NAALADL2: variants seen among roughly 807,000 people sequenced by gnomAD.
NAALADL2 encodes N-acetylated alpha-linked acidic dipeptidase like 2.
NAALADL2 carries 76 observed loss-of-function variants against 87.2 expected under a neutral mutation model. That is an observed-to-expected ratio of 0.87 (90% CI 0.72 to 1.05). The LOEUF (loss-of-function observed/expected upper bound fraction) is 1.05, where lower values mean the gene tolerates loss of function less well. Ranked by LOEUF, NAALADL2 falls within the 50% of genes least tolerant of loss-of-function variation. The pLI is 0.00. For synonymous variants in NAALADL2, 354 were observed against 331.0 expected, an observed-to-expected ratio of 1.07 and a Z score of -0.75; for missense variants, 1,089 against 945.8, an observed-to-expected ratio of 1.15 and a Z score of -1.99.
intron 2 of NAALADL2, among the ~76,000 whole-genome samples, chr3:174,686,345 T>C (rs2108839902): frequency 6.6e-6 from 1 of 152,274 alleles, no homozygotes; most frequent in South Asian, 2.1e-4. Flanking sequence ...TTTATTTATT[T>C]TCATTTTCAA....
At chr3:174,958,749 T>G (rs906457430) in intron 1 of NAALADL2, among the ~76,000 whole-genome samples, 4 of 152,044 alleles carry the variant, frequency 2.6e-5, no homozygotes, top group Non-Finnish European at 5.9e-5. Flanking sequence ...AAATTTTAAT[T>G]CTTGATGAAT....
intron 2 of NAALADL2, among the ~76,000 whole-genome samples, chr3:175,206,313 CACAT>C (rs1580925223): frequency 2.2e-5 from 2 of 92,358 alleles, no homozygotes; most frequent in East Asian, 3.3e-4. Flanking sequence ...TATATATATA[CACAT>C]ACATACACAC....
Position 175,395,468 on chromosome 3 carries a change from A to G in NAALADL2, c.1091-51761A>G, listed in dbSNP as rs189118804. On this transcript the variant is annotated intron_variant, in intron 5 of 13. Coordinates refer to ENST00000454872, the MANE Select transcript of NAALADL2 (RefSeq NM_207015.3). ...TCTTGAGAAGGGCAGCCAGTTTCTC[A>G]GTAGCTATCCATTAACAAATTGAAA... is the stretch of plus-strand genomic sequence containing the variant. 1.1e-3 allele frequency among the ~76,000 whole-genome samples: 174 copies of G among 152,258 alleles called. 1 individual carries two copies. Among genetic ancestry groups the G allele is most frequent in the African/African-American group, 4.0e-3 (167 of 41,538 alleles).
chr3:174,819,991 G>GC (rs1721244929), intron 3 of NAALADL2, among the ~76,000 whole-genome samples: 1 of 152,116 alleles, frequency 6.6e-6, no homozygotes, highest in Non-Finnish European at 1.5e-5. Flanking sequence ...TTTTGGAGAG[G>GC]CTGGGGGTAG....
intron 4 of NAALADL2, among the ~76,000 whole-genome samples, chr3:175,287,924 G>T (rs1281677189): frequency 6.6e-6 from 1 of 151,998 alleles, no homozygotes; most frequent in Non-Finnish European, 1.5e-5. Context: ...AAATGCTACC[G>T]ATATCTATTG....
chr3:175,614,294 G>T (rs1582631988), intron 10 of NAALADL2, among the ~76,000 whole-genome samples: 1 of 152,132 alleles, frequency 6.6e-6, no homozygotes, highest in East Asian at 1.9e-4. Flanking sequence ...CTCATGATCT[G>T]CCCGCCTCGG....
chr3:175,527,991 G>C (rs1322267126), intron 9 of NAALADL2, among the ~76,000 whole-genome samples: 1 of 152,108 alleles, frequency 6.6e-6, no homozygotes, highest in Non-Finnish European at 1.5e-5. Context: ...CAAGAGATAA[G>C]AGATGGCACT....
chr3:174,987,580 A>AAAAAAAAAAC (rs1746070358), intron 1 of NAALADL2, among the ~76,000 whole-genome samples: 1 of 120,524 alleles, frequency 8.3e-6, no homozygotes, highest in African/African-American at 4.8e-5. Flanking sequence ...AAAAAAAAAA[A>AAAAAAAAAAC]AAAAAAAAAA....
At chr3:175,497,913 C>T (rs1729029839) in intron 9 of NAALADL2, among the ~76,000 whole-genome samples, 1 of 152,012 alleles carries the variant, frequency 6.6e-6, no homozygotes, top group Non-Finnish European at 1.5e-5. Context: ...GCTTGAAAAG[C>T]ACTTGATATA....
intron 1 of NAALADL2, among the ~76,000 whole-genome samples, chr3:174,929,210 C>A (rs768005984): frequency 6.6e-6 from 1 of 152,062 alleles, no homozygotes; most frequent in Non-Finnish European, 1.5e-5. Flanking sequence ...CAGAGGAGAG[C>A]GGGGCTCTGT....
chr3:175,100,930 T>C (rs980104541), intron 2 of NAALADL2, among the ~76,000 whole-genome samples: 3 of 150,028 alleles, frequency 2.0e-5, no homozygotes, highest in African/African-American at 7.4e-5. Flanking sequence ...TCTATCTGGG[T>C]TGAGAGGGAG....
chr3:175,157,532 T>A (rs1014193301), intron 2 of NAALADL2, among the ~76,000 whole-genome samples: 2 of 152,074 alleles, frequency 1.3e-5, no homozygotes, highest in South Asian at 2.1e-4. Flanking sequence ...AAATTTACAA[T>A]TAAACAACTC....
intron 9 of NAALADL2, among the ~76,000 whole-genome samples, chr3:175,536,742 T>C (rs1443866253): frequency 6.6e-6 from 1 of 152,230 alleles, no homozygotes; most frequent in Non-Finnish European, 1.5e-5. Context: ...TGCGATCTCC[T>C]GACCTCGTGA....
At chr3:175,154,261 G>A (rs1252318001) in intron 2 of NAALADL2, among the ~76,000 whole-genome samples, 9 of 152,010 alleles carry the variant, frequency 5.9e-5, no homozygotes. Context: ...TATCATTTCT[G>A]TTGCATTATC....
intron 1 of NAALADL2, among the ~76,000 whole-genome samples, chr3:174,535,572 T>C (rs1485137402): frequency 6.6e-6 from 1 of 152,180 alleles, no homozygotes; most frequent in Non-Finnish European, 1.5e-5. Context: ...AGGTGATTTA[T>C]TCCTGCCCCA....
intron 5 of NAALADL2, among the ~76,000 whole-genome samples, chr3:175,424,143 G>C (rs1716370074): frequency 6.6e-6 from 1 of 152,160 alleles, no homozygotes; most frequent in Admixed American, 6.5e-5. Flanking sequence ...ATTTGTTTGA[G>C]TTCATTGTAG....
At chr3:175,441,079 A>G (rs1474849066) in intron 5 of NAALADL2, among the ~76,000 whole-genome samples, 1 of 152,068 alleles carries the variant, frequency 6.6e-6, no homozygotes, top group East Asian at 1.9e-4. Context: ...TTTATGTATT[A>G]GTCATTTTAT....
At chr3:174,716,576 G>A (rs1944836632) in intron 2 of NAALADL2, among the ~76,000 whole-genome samples, 1 of 151,426 alleles carries the variant, frequency 6.6e-6, no homozygotes, top group Non-Finnish European at 1.5e-5. Flanking sequence ...TATAATAGTG[G>A]GGAATACATT....
intron 3 of NAALADL2, among the ~76,000 whole-genome samples, chr3:174,835,793 C>G (rs1197570928): frequency 6.6e-6 from 1 of 152,080 alleles, no homozygotes; most frequent in East Asian, 1.9e-4. Flanking sequence ...CAAATCAAAA[C>G]AACCACGAGG....
Sources: gnomAD v4.1 joint callset for allele counts (sites outside exome capture counted in the v4.1 genomes callset) on GRCh38, gnomAD v4.1.1 for gene constraint, MANE v1.5 for transcripts, NCBI Gene and HGNC (gene_info 2026-07-23, HGNC 2026-07-21) for gene names.